Variants in EPG5 observed in about 807,000 individuals in gnomAD.
EPG5 encodes the protein ectopic P granules protein 5 homolog.
EPG5 carries 159 observed loss-of-function variants against 302.7 expected under a neutral mutation model. That is an observed-to-expected ratio of 0.53 (90% CI 0.46 to 0.60). The LOEUF (loss-of-function observed/expected upper bound fraction) is 0.60. Among genes scored for constraint, EPG5 ranks in the 20% least tolerant of loss-of-function variants. The probability of loss-of-function intolerance (pLI) is 0.00; values close to 1 mark genes in which losing one functional copy is unlikely to be tolerated. For synonymous variants in EPG5, 1,158 were observed against 1,136.8 expected (o/e 1.02, Z -0.37); for missense variants, 2,896 against 3,092.4 (o/e 0.94, Z 1.51).
In EPG5 at chr18:45,967,217, T is replaced by C. The variant is rs764203340; in HGVS notation, c.23A>G (p.Gln8Arg). 50 of 1,605,436 alleles carry C rather than the reference T, an allele frequency of 3.1e-5. No homozygotes were observed. Among genetic ancestry groups the C allele is most frequent in the Non-Finnish European group, 4.1e-5 (48 of 1,176,292 alleles). The part of the protein sequence containing the change: MAEAVKP[Q>R]RRAKAKASRT... ...GCTGGCCTTGGCCTTGGCCCGGCGC[T>C]GGGGCTTCACCGCCTCGGCCATAGA... Residue 8 changes from glutamine (Q) to arginine (R), a missense_variant, in exon 1 of 44, where the codon CAG becomes CGG. Transcript: ENST00000282041.
intron 13 of EPG5, among the ~76,000 whole-genome samples, chr18:45,928,398 T>A (rs939109779): frequency 2.0e-5 from 3 of 152,158 alleles, no homozygotes; most frequent in Non-Finnish European, 2.9e-5. Flanking sequence ...AAAAACTACA[T>A]GAAGATTGCA....
the EPG5 span, among the ~76,000 whole-genome samples, chr18:45,826,791 C>T: frequency 6.6e-6 from 1 of 152,350 alleles, no homozygotes; most frequent in East Asian, 1.9e-4. Flanking sequence ...TGTACTCAGA[C>T]TGGAGTCCAG....
rs182388521 is a variant in EPG5, at chr18:45,935,075, T to A, written c.2100-109A>T. 2.3e-4 allele frequency: 265 copies of A among 1,158,072 alleles called. 1 individual carries two copies. Among genetic ancestry groups the A allele is most frequent in the Non-Finnish European group, 3.0e-4 (246 of 827,398 alleles). The allele number at this position is 1,158,072 out of a possible 1,614,324, so 71.7% of individuals were successfully genotyped here. A position where few individuals can be genotyped will look rare whatever the true frequency, so the allele number is the denominator to read the frequency against. ...AAAAGATTCTTAAATCACACTATGA[T>A]TTTTCTAATATGCTTTAGTCATAAA... On this transcript the variant is annotated intron_variant, in intron 10 of 43. Transcript: ENST00000282041.
At chr18:45,927,597 C>T (rs959006319) in intron 13 of EPG5, among the ~76,000 whole-genome samples, 40 of 114,798 alleles carry the variant, frequency 3.5e-4, no homozygotes, top group African/African-American at 9.6e-4. Flanking sequence ...AAGTTATACA[C>T]ACACACACAC....
At chr18:45,942,820 A>G (rs980753175) in intron 9 of EPG5, among the ~76,000 whole-genome samples, 5 of 152,148 alleles carry the variant, frequency 3.3e-5, no homozygotes, top group African/African-American at 1.2e-4. Flanking sequence ...AAAGCAGTAC[A>G]TATTCTCTAA....
At chr18:45,932,435 T>G (rs1176000889) in intron 11 of EPG5, among the ~76,000 whole-genome samples, 1 of 152,192 alleles carries the variant, frequency 6.6e-6, no homozygotes. Context: ...ATCTGCTAGT[T>G]AGAAAATGTT....
At chr18:45,839,110 G>C in the EPG5 span, 1 of 1,369,140 alleles carries the variant, frequency 7.3e-7, no homozygotes, top group African/African-American at 1.5e-5. Context: ...GTGCGCCCCA[G>C]ACACGGGTGG....
Position 45,857,928 on chromosome 18 carries a change from AG to A in EPG5, c.7366del (p.Leu2456SerfsTer50), listed in dbSNP as rs1568094195. 1 of 1,613,026 alleles carries A rather than the reference AG, an allele frequency of 6.2e-7. No homozygotes were observed. Among genetic ancestry groups the A allele is most frequent in the Admixed American group, 1.7e-5 (1 of 60,016 alleles). ...ILLLVQSRQNLVAEERLSSGI... is the reference protein window; with the variant it reads ...ILLLVQSRQNXVAEERLSSGI... ...AGAGCTGAGTCTCTCCTCAGCCACG[AG>A]GTTCTGCCTGCTCTGAACCAAGAGC... On this transcript the variant is annotated frameshift_variant, in exon 42 of 44. Coordinates refer to ENST00000282041, the MANE Select transcript of EPG5 (RefSeq NM_020964.3). LOFTEE classifies it high-confidence loss of function.
the EPG5 span, among the ~76,000 whole-genome samples, chr18:45,803,760 A>C: frequency 6.6e-6 from 1 of 152,236 alleles, no homozygotes; most frequent in Non-Finnish European, 1.5e-5. Flanking sequence ...GGGGCCACTC[A>C]GAAAAAAACA....
intron 16 of EPG5, among the ~76,000 whole-genome samples, chr18:45,920,989 C>A (rs561270345): frequency 2.6e-5 from 4 of 152,290 alleles, no homozygotes; most frequent in Admixed American, 1.3e-4. Flanking sequence ...GGCCCCCAGC[C>A]CACTTAGGCC....
rs912754113 is a variant in EPG5 at position 45,849,456 on chromosome 18, TC to T, written c.*3010del. 7.7e-4 allele frequency: 117 copies of T among 152,328 alleles called. No individual in the cohort carries two copies. Among genetic ancestry groups the T allele is most frequent in the African/African-American group, 2.7e-3 (114 of 41,566 alleles). The allele number at this position is 152,328 out of a possible 1,614,324, so 9.4% of individuals were successfully genotyped here. ...CCTTCTGACTGTAAAAGTCTACGATTCCAGGACATTTGCTTCCTGCTCCAGA... is the reference window on the plus strand; with the variant it reads ...CCTTCTGACTGTAAAAGTCTACGATTCAGGACATTTGCTTCCTGCTCCAGA... On this transcript the variant is annotated 3_prime_UTR_variant, in exon 44 of 44. Transcript: ENST00000282041.
At chr18:45,855,863 C>G (rs954200626) in intron 42 of EPG5, among the ~76,000 whole-genome samples, 176 bp from the exon 43 acceptor site, 1 of 152,146 alleles carries the variant, frequency 6.6e-6, no homozygotes, top group African/African-American at 2.4e-5. Flanking sequence ...CCATTATCAC[C>G]ATCCAAACAA....
intron 14 of EPG5, among the ~76,000 whole-genome samples, chr18:45,925,094 C>T (rs1287713813): frequency 6.6e-6 from 1 of 152,148 alleles, no homozygotes; most frequent in East Asian, 1.9e-4. Context: ...CTGACAATGA[C>T]ATGCAAGACA....
At chr18:45,882,162 A>T in intron 31 of EPG5, 112 bp downstream of exon 31, 1 of 937,540 alleles carries the variant, frequency 1.1e-6, no homozygotes, top group Non-Finnish European at 1.6e-6. Flanking sequence ...GTGATTCTAA[A>T]CTCCTATACT....
rs28599656 is a variant in EPG5, at chr18:45,917,272, T to C, written c.3239+407A>G. On this transcript the variant is annotated intron_variant, in intron 17 of 43. Coordinates refer to ENST00000282041, the MANE Select transcript of EPG5 (RefSeq NM_020964.3). ...ACAGGTTGTTCTCTTCCCACCTTCC[T>C]AGCATCTTATCTGTTTGCAACACTG... is the stretch of plus-strand genomic sequence containing the variant. 3.5e-3 allele frequency among the ~76,000 whole-genome samples: 531 copies of C among 152,302 alleles called. 3 individuals are homozygous for C. The highest frequency in any genetic ancestry group is 0.012 in the African/African-American group (505 of 41,552).
chr18:45,943,974 C>G, intron 8 of EPG5, 31 bp downstream of exon 8: 1 of 1,407,550 alleles, frequency 7.1e-7, no homozygotes, highest in African/African-American at 1.4e-5. Context: ...TTGCCACTAC[C>G]ACATTTTACA....
intron 24 of EPG5, among the ~76,000 whole-genome samples, chr18:45,905,419 C>T (rs780695515): frequency 1.2e-4 from 18 of 152,276 alleles, no homozygotes; most frequent in South Asian, 4.2e-4. Flanking sequence ...CAGTCCAAGG[C>T]ATTCCAGACT....
chr18:45,928,902 A>G lies in EPG5; in HGVS notation c.2520T>C (p.Asp840=). The G allele has an allele frequency of 6.2e-7, 1 of 1,614,070 alleles. No individual in the cohort carries two copies. The part of the protein sequence containing the change: ...VHPEIISVLL[D]RVQETIDQVG... ...CCTGGTCAATGGTCTCTTGAACTCT[A>G]TCCAGAAGGACGGAAATTATCTCAG... The change falls in exon 13 of 44, where the codon GAT becomes GAC. Residue 840 remains aspartate, a synonymous_variant. Coordinates refer to ENST00000282041, the MANE Select transcript of EPG5 (RefSeq NM_020964.3).
chr18:45,829,550 G>A, the EPG5 span, among the ~76,000 whole-genome samples: 4 of 152,174 alleles, frequency 2.6e-5, no homozygotes, highest in Non-Finnish European at 5.9e-5. Context: ...CAGCCAATGG[G>A]AGTGTCTCTC....
Sources: allele counts gnomAD v4.1 joint callset (sites outside exome capture counted in the v4.1 genomes callset), GRCh38; gene constraint gnomAD v4.1.1; transcripts MANE v1.5; gene names NCBI Gene and HGNC (gene_info 2026-07-23, HGNC 2026-07-21).